ZNRF2: variants seen among roughly 807,000 people sequenced by gnomAD.
ZNRF2 encodes the protein zinc and ring finger 2.
A neutral mutation model predicts 20.4 loss-of-function variants in ZNRF2; 16 were observed. That is an observed-to-expected ratio of 0.79 (90% CI 0.53 to 1.19). The LOEUF (loss-of-function observed/expected upper bound fraction) is 1.19, where lower values mean the gene tolerates loss of function less well. Ranked by LOEUF, ZNRF2 falls within the 50% of genes most tolerant of loss-of-function variation. ZNRF2 has a pLI of 0.00. For missense variants in ZNRF2, 363 were observed against 332.4 expected (o/e 1.09, Z -0.72); for synonymous variants, 178 against 144.9 (o/e 1.23, Z -1.64).
chr7:30,307,265 T>C (rs1799220717), intron 1 of ZNRF2, among the ~76,000 whole-genome samples: 1 of 151,404 alleles, frequency 6.6e-6, no homozygotes, highest in Admixed American at 6.6e-5. Context: ...GTGTGTTTCA[T>C]AGTGATGTTT....
At chr7:30,307,425 A>G (rs1026060557) in intron 1 of ZNRF2, among the ~76,000 whole-genome samples, 2 of 130,878 alleles carry the variant, frequency 1.5e-5, no homozygotes, top group African/African-American at 2.9e-5. Flanking sequence ...TATTTTCTAT[A>G]TGGCATTTGG....
chr7:30,299,104 A>G (rs1799065720), intron 1 of ZNRF2, among the ~76,000 whole-genome samples: 2 of 152,046 alleles, frequency 1.3e-5, no homozygotes, highest in South Asian at 2.1e-4. Context: ...TTTTAATTGC[A>G]GAAGAAATAA....
At chr7:30,315,965 C>G (rs2128061363) in intron 1 of ZNRF2, among the ~76,000 whole-genome samples, 1 of 151,944 alleles carries the variant, frequency 6.6e-6, no homozygotes, top group East Asian at 1.9e-4. Context: ...CATGTTCTTT[C>G]CAAAGAGAAT....
chr7:30,361,248 A>G (rs1329232029), intron 3 of ZNRF2, among the ~76,000 whole-genome samples: 1 of 152,226 alleles, frequency 6.6e-6, no homozygotes, highest in Non-Finnish European at 1.5e-5. Context: ...GCTGAAAACA[A>G]TGTCTTAAGC....
intron 2 of ZNRF2, among the ~76,000 whole-genome samples, chr7:30,348,025 TCATA>T (rs923831815): frequency 2.0e-5 from 3 of 152,202 alleles, no homozygotes; most frequent in African/African-American, 7.2e-5. Flanking sequence ...TTTTTCCTGT[TCATA>T]CATACTTTTA....
chr7:30,333,971 T>G (rs768690841), intron 2 of ZNRF2, among the ~76,000 whole-genome samples: 10 of 152,170 alleles, frequency 6.6e-5, no homozygotes, highest in African/African-American at 9.7e-5. Flanking sequence ...GGAATTCCTT[T>G]TGCTGTGAAG....
intron 2 of ZNRF2, among the ~76,000 whole-genome samples, chr7:30,339,726 A>C (rs1799767389): frequency 6.6e-6 from 1 of 152,200 alleles, no homozygotes; most frequent in Non-Finnish European, 1.5e-5. Flanking sequence ...GTTTTTGCTT[A>C]CGATTGTCTT....
At chr7:30,337,955 A>G (rs536814405) in intron 2 of ZNRF2, among the ~76,000 whole-genome samples, 1 of 152,142 alleles carries the variant, frequency 6.6e-6, no homozygotes, top group Non-Finnish European at 1.5e-5. Context: ...GCAAAGATAC[A>G]TATATTCTTC....
chr7:30,311,028 G>A (rs1241911489), intron 1 of ZNRF2, among the ~76,000 whole-genome samples: 1 of 152,138 alleles, frequency 6.6e-6, no homozygotes, highest in African/African-American at 2.4e-5. Flanking sequence ...CCAAGCTGTT[G>A]TGGTTCTTCT....
At chr7:30,314,998 A>C (rs1352802007) in intron 1 of ZNRF2, among the ~76,000 whole-genome samples, 1 of 151,920 alleles carries the variant, frequency 6.6e-6, no homozygotes, top group African/African-American at 2.4e-5. Flanking sequence ...TTGTATTTTT[A>C]GTAGAGATGG....
At position 30,285,423 on chromosome 7, in the gene ZNRF2, T is replaced by G; in HGVS notation, c.66T>G (p.Asp22Glu). The change falls in exon 1 of 5, where the codon GAT (aspartate) becomes GAG (glutamate). Residue 22 changes from aspartate (D) to glutamate (E), a missense_variant. Transcript: ENST00000323037. The stretch of plus-strand genomic sequence containing the variant: ...GCACGCGCGCGTACTCGGGCTCGGA[T>G]CTACCTTCCAGTAGCAGCGGAGGCG... The part of the protein sequence containing the change: ...NGRTRAYSGS[D>E]LPSSSSGGAN... 4.9e-6 allele frequency: 6 copies of G among 1,234,542 alleles called. No homozygotes were observed. The highest frequency in any genetic ancestry group is 6.2e-6 in the Non-Finnish European group (6 of 974,256). 76.5% of individuals were successfully genotyped at this position (1,234,542 alleles called of 1,614,324 possible).
At chr7:30,291,646 T>C (rs1798912411) in intron 1 of ZNRF2, among the ~76,000 whole-genome samples, 1 of 152,214 alleles carries the variant, frequency 6.6e-6, no homozygotes, top group South Asian at 2.1e-4. Context: ...GAAATGATAA[T>C]GAGTTCCTTT....
At chr7:30,305,042 T>G (rs1799178231) in intron 1 of ZNRF2, among the ~76,000 whole-genome samples, 1 of 152,210 alleles carries the variant, frequency 6.6e-6, no homozygotes, top group Non-Finnish European at 1.5e-5. Context: ...TTATCTGTGT[T>G]CTTGAGGTTA....
Position 30,366,754 on chromosome 7 carries a change from AT to A in ZNRF2, c.*745del, listed in dbSNP as rs1443632504. ...ATATAGAATATTCTACTGAATTGCA[AT>A]TTATTAAATATTCTTATCCTCTTAA... On this transcript the variant is annotated 3_prime_UTR_variant, in exon 5 of 5. Transcript: ENST00000323037. 2.0e-5 allele frequency: 3 copies of A among 152,554 alleles called. No individual in the cohort carries two copies. Among genetic ancestry groups the A allele is most frequent in the African/African-American group, 7.2e-5 (3 of 41,452 alleles). 9.5% of individuals were successfully genotyped at this position (152,554 alleles called of 1,614,324 possible).
Position 30,323,633 on chromosome 7 carries a change from G to T in ZNRF2, c.470-9G>T. ...TAGTTAAGTAACTTGAGTTTCTTTT[G>T]TTTTTTAGGATTTAAGTGCCCTGTA... On this transcript the variant is annotated splice_polypyrimidine_tract_variant and intron_variant, in intron 1 of 4. Coordinates refer to ENST00000323037, the MANE Select transcript of ZNRF2 (RefSeq NM_147128.4). 1 of 1,561,186 alleles carries T rather than the reference G, an allele frequency of 6.4e-7. No homozygotes were observed.
intron 1 of ZNRF2, chr7:30,289,953 A>G: frequency 1.9e-6 from 1 of 522,924 alleles, no homozygotes; most frequent in Non-Finnish European, 3.9e-6. Flanking sequence ...TGATTACCAA[A>G]TATCATTAAT....
chr7:30,341,228 T>TA (rs1480486957), intron 2 of ZNRF2, among the ~76,000 whole-genome samples: 1 of 152,068 alleles, frequency 6.6e-6, no homozygotes, highest in Non-Finnish European at 1.5e-5. Context: ...TTGTGTCTCT[T>TA]ATCTCCTTCA....
intron 1 of ZNRF2, among the ~76,000 whole-genome samples, chr7:30,294,750 A>G (rs1336075025): frequency 1.3e-5 from 2 of 151,036 alleles, no homozygotes; most frequent in African/African-American, 4.9e-5. Context: ...ACACCACTGT[A>G]CTCCAGCCTG....
chr7:30,328,582 A>G (rs1199196355), intron 2 of ZNRF2, among the ~76,000 whole-genome samples: 1 of 152,174 alleles, frequency 6.6e-6, no homozygotes, highest in Non-Finnish European at 1.5e-5. Context: ...CCTGAATTGG[A>G]TGAGTTCCAG....
Sources: allele counts gnomAD v4.1 joint callset (sites outside exome capture counted in the v4.1 genomes callset), GRCh38; gene constraint gnomAD v4.1.1; transcripts MANE v1.5; gene names NCBI Gene and HGNC (gene_info 2026-07-23, HGNC 2026-07-21).